Variants in BMPR1A observed in about 807,000 individuals in gnomAD.
BMPR1A encodes bone morphogenetic protein receptor type-1A.
BMPR1A carries 7 observed loss-of-function variants against 66.0 expected under a neutral mutation model. That is an observed-to-expected ratio of 0.11 (90% CI 0.06 to 0.20). The LOEUF (loss-of-function observed/expected upper bound fraction) is 0.20. Ranked by LOEUF, BMPR1A falls within the 10% of genes least tolerant of loss-of-function variation. The pLI is 1.00. For synonymous variants in BMPR1A, 200 were observed against 229.7 expected, an observed-to-expected ratio of 0.87 and a Z score of 1.17; for missense variants, 408 against 669.1, an observed-to-expected ratio of 0.61 and a Z score of 4.31.
chr10:86,892,381 C>T, intron 5 of BMPR1A, 152 bp downstream of exon 5: 2 of 643,860 alleles, frequency 3.1e-6, no homozygotes, highest in Non-Finnish European at 2.8e-6. Context: ...AGATTCTGTC[C>T]TGTATTCATA....
intron 1 of BMPR1A, among the ~76,000 whole-genome samples, chr10:86,780,015 C>T (rs1321487998): frequency 6.6e-6 from 1 of 152,206 alleles, no homozygotes; most frequent in Non-Finnish European, 1.5e-5. Flanking sequence ...AAGGTATCCT[C>T]CCACCTTGGC....
At chr10:86,797,171 TCTC>T (rs1292266439) in intron 1 of BMPR1A, among the ~76,000 whole-genome samples, 1 of 150,172 alleles carries the variant, frequency 6.7e-6, no homozygotes, top group Non-Finnish European at 1.5e-5. Flanking sequence ...TTCAAGCAAT[TCTC>T]CTGCCTCAGC....
At chr10:86,808,569 C>T (rs1841923715) in intron 1 of BMPR1A, among the ~76,000 whole-genome samples, 1 of 152,172 alleles carries the variant, frequency 6.6e-6, no homozygotes, top group Non-Finnish European at 1.5e-5. Flanking sequence ...AGTTTGAATC[C>T]TAGTTCTCCA....
intron 1 of BMPR1A, among the ~76,000 whole-genome samples, chr10:86,810,198 C>G (rs1841950283): frequency 6.6e-6 from 1 of 152,134 alleles, no homozygotes; most frequent in East Asian, 1.9e-4. Flanking sequence ...CCAGGCTGGT[C>G]TTGAACTACT....
chr10:86,924,843 A>G lies in BMPR1A; in HGVS notation c.*1124A>G, dbSNP rs1843717816. ...CCATCCTTAAGAGAAGAAATGTTAT[A>G]AAGTAGAACTAAATATAAATTTTCA... On this transcript the variant is annotated 3_prime_UTR_variant, in exon 13 of 13. Coordinates refer to ENST00000372037, the MANE Select transcript of BMPR1A (RefSeq NM_004329.3). 1 of 232,470 alleles carries G rather than the reference A, an allele frequency of 4.3e-6. No individual in the cohort carries two copies. The highest frequency in any genetic ancestry group is 1.8e-4 in the South Asian group (1 of 5,532). The allele number at this position is 232,470 out of a possible 1,614,324, so 14.4% of individuals were successfully genotyped here.
chr10:86,831,592 C>A (rs1842268276), intron 1 of BMPR1A, among the ~76,000 whole-genome samples: 1 of 151,734 alleles, frequency 6.6e-6, no homozygotes, highest in South Asian at 2.1e-4. Context: ...CTTATTTCTA[C>A]AAACGAACAA....
intron 1 of BMPR1A, among the ~76,000 whole-genome samples, chr10:86,766,676 C>T (rs1009765663): frequency 2.8e-5 from 4 of 141,788 alleles, no homozygotes; most frequent in East Asian, 2.1e-4. Context: ...AGTGCAGTGG[C>T]GCTATCTCTG....
At chr10:86,826,540 C>T (rs1298211212) in intron 1 of BMPR1A, among the ~76,000 whole-genome samples, 1 of 152,016 alleles carries the variant, frequency 6.6e-6, no homozygotes, top group Non-Finnish European at 1.5e-5. Context: ...TATGAAATCT[C>T]ATCATATTTT....
intron 2 of BMPR1A, among the ~76,000 whole-genome samples, chr10:86,845,870 G>A (rs943974655): frequency 6.6e-5 from 10 of 151,948 alleles, no homozygotes; most frequent in East Asian, 3.9e-4. Flanking sequence ...GATGGCGGGC[G>A]CCTGTAGTCC....
intron 2 of BMPR1A, among the ~76,000 whole-genome samples, chr10:86,865,572 T>G (rs1328786564): frequency 6.6e-6 from 1 of 152,238 alleles, no homozygotes; most frequent in Non-Finnish European, 1.5e-5. Context: ...AAAGCCTGTT[T>G]AGTGGTCTCT....
intron 1 of BMPR1A, among the ~76,000 whole-genome samples, chr10:86,821,237 C>G (rs1842116138): frequency 6.6e-6 from 1 of 152,190 alleles, no homozygotes; most frequent in South Asian, 2.1e-4. Context: ...GAAGTTACTC[C>G]TCTGGGTTTT....
At chr10:86,890,304 G>A (rs1295209659) in intron 4 of BMPR1A, 80 bp downstream of exon 4, 1 of 1,564,100 alleles carries the variant, frequency 6.4e-7, no homozygotes, top group East Asian at 2.2e-5. Context: ...TATTAAACTT[G>A]TCTGCGGTTT....
chr10:86,852,919 C>T (rs143806296), intron 2 of BMPR1A, among the ~76,000 whole-genome samples: 496 of 151,950 alleles, frequency 3.3e-3, no homozygotes, highest in Non-Finnish European at 5.1e-3. Context: ...AGAATTGGGG[C>T]TTGAAATGAT....
chr10:86,904,319 C>T (rs894974383), intron 7 of BMPR1A, among the ~76,000 whole-genome samples: 104 of 152,072 alleles, frequency 6.8e-4, no homozygotes, highest in African/African-American at 2.3e-3. Flanking sequence ...TGCTCAAAAC[C>T]GATAATAAAG....
At chr10:86,769,895 C>T (rs1047186559) in intron 1 of BMPR1A, among the ~76,000 whole-genome samples, 1 of 149,692 alleles carries the variant, frequency 6.7e-6, no homozygotes, top group Non-Finnish European at 1.5e-5. Context: ...GGAGGGGTGG[C>T]AGTGACCTTC....
In BMPR1A at chr10:86,837,042, TG is replaced by T. The variant is rs1384384383; in HGVS notation, c.-267-1822del. ...GGGTTTTGGACTTTTGAAGATGGGATGTTTGAAAGCTCTTTTGGTTATGTTA... is the reference window on the plus strand; with the variant it reads ...GGGTTTTGGACTTTTGAAGATGGGATTTTGAAAGCTCTTTTGGTTATGTTA... On this transcript the variant is annotated intron_variant, in intron 1 of 12. Transcript: ENST00000372037. Among the ~76,000 whole-genome samples the T allele has an allele frequency of 7.9e-5, 12 of 152,370 alleles. No individual in the cohort carries two copies. The East Asian group carries it at 2.3e-3, about 29-fold the overall frequency.
chr10:86,839,717 G>T (rs1436349704), intron 2 of BMPR1A, among the ~76,000 whole-genome samples: 1 of 150,776 alleles, frequency 6.6e-6, no homozygotes, highest in African/African-American at 2.4e-5. Flanking sequence ...TTGTCACCCA[G>T]GCTGGACTGC....
At chr10:86,889,624 G>A (rs753267668) in intron 3 of BMPR1A, 13 of 173,894 alleles carry the variant, frequency 7.5e-5, no homozygotes, top group Admixed American at 5.7e-4. Context: ...TTCCCAGGGC[G>A]AGGCTTATTC....
chr10:86,836,924 G>T (rs1434542510), intron 1 of BMPR1A, among the ~76,000 whole-genome samples: 3 of 152,110 alleles, frequency 2.0e-5, no homozygotes, highest in African/African-American at 7.2e-5. Flanking sequence ...TGGAGCCAGA[G>T]CCTGTCTCAA....
Sources: gnomAD v4.1 joint callset for allele counts (sites outside exome capture counted in the v4.1 genomes callset) on GRCh38, gnomAD v4.1.1 for gene constraint, MANE v1.5 for transcripts, NCBI Gene and HGNC (gene_info 2026-07-23, HGNC 2026-07-21) for gene names.